Variants in CWC27 observed in about 807,000 individuals in gnomAD.
CWC27 encodes spliceosome-associated protein CWC27 homolog.
In CWC27, 47 loss-of-function variants were observed where a neutral mutation model predicts 63.6. That is an observed-to-expected ratio of 0.74 (90% CI 0.58 to 0.94). CWC27 has a LOEUF of 0.94. Ranked by LOEUF, CWC27 falls within the 40% of genes least tolerant of loss-of-function variation. CWC27 has a pLI of 0.00. For missense variants in CWC27, 495 were observed against 554.3 expected (o/e 0.89, Z 1.07); for synonymous variants, 175 against 179.8 (o/e 0.97, Z 0.22).
intron 12 of CWC27, chr5:64,972,785 A>C (rs1580757545): frequency 2.4e-6 from 1 of 416,718 alleles, no homozygotes. Flanking sequence ...CCTTGTAGCA[A>C]ATAATTATTA....
chr5:64,928,964 CT>C lies in CWC27; in HGVS notation c.1043-42727del, dbSNP rs373815261. ...TTGAACTTTTCTCAGTAGGCTTTGT[CT>C]TTTTTTTTTTTGTAGTACTATAGAC... On this transcript the variant is annotated intron_variant, in intron 11 of 13. Coordinates refer to ENST00000381070, the MANE Select transcript of CWC27 (RefSeq NM_005869.4). Among the ~76,000 whole-genome samples, 326 of 141,368 alleles carry C rather than the reference CT, an allele frequency of 2.3e-3. 2 individuals carry two copies. The highest frequency in any genetic ancestry group is 4.8e-3 in the East Asian group (24 of 4,958). The allele number at this position is 141,368 out of a possible 152,430, so 92.7% of individuals were successfully genotyped here. A position where few individuals can be genotyped will look rare whatever the true frequency, so the allele number is the denominator to read the frequency against.
chr5:64,954,899 G>A (rs1274719550), intron 11 of CWC27, among the ~76,000 whole-genome samples: 1 of 151,880 alleles, frequency 6.6e-6, no homozygotes, highest in Non-Finnish European at 1.5e-5. Context: ...TTATAGGTAA[G>A]CCCCATGATA....
At chr5:64,848,247 A>G (rs917611949) in intron 10 of CWC27, among the ~76,000 whole-genome samples, 1 of 152,208 alleles carries the variant, frequency 6.6e-6, no homozygotes, top group Non-Finnish European at 1.5e-5. Context: ...GCACCAACAT[A>G]TAGGACAACC....
intron 10 of CWC27, among the ~76,000 whole-genome samples, chr5:64,855,741 C>G (rs1291467643): frequency 6.6e-6 from 1 of 152,154 alleles, no homozygotes; most frequent in Non-Finnish European, 1.5e-5. Context: ...CAGAAAAACT[C>G]TTCAGGTTCT....
At chr5:64,953,672 C>T (rs1748751529) in intron 11 of CWC27, among the ~76,000 whole-genome samples, 1 of 152,074 alleles carries the variant, frequency 6.6e-6, no homozygotes, top group South Asian at 2.1e-4. Context: ...CATTTCAAAA[C>T]AAAGGCACTT....
intron 11 of CWC27, among the ~76,000 whole-genome samples, chr5:64,891,755 G>A (rs749776061): frequency 7.3e-5 from 11 of 149,786 alleles, no homozygotes; most frequent in Admixed American, 6.7e-5. Context: ...AGACCTCCTA[G>A]TGTTGCTTGG....
At chr5:64,996,730 G>C (rs1317882873) in intron 13 of CWC27, among the ~76,000 whole-genome samples, 1 of 151,976 alleles carries the variant, frequency 6.6e-6, no homozygotes. Context: ...TCTTGTTTGT[G>C]ATTTTGTATT....
At chr5:64,928,668 A>G (rs983836837) in intron 11 of CWC27, among the ~76,000 whole-genome samples, 1 of 152,212 alleles carries the variant, frequency 6.6e-6, no homozygotes, top group South Asian at 2.1e-4. Context: ...TATAAGGAAT[A>G]GCAGCATAGA....
intron 11 of CWC27, among the ~76,000 whole-genome samples, chr5:64,897,200 A>G (rs1230639167): frequency 6.6e-6 from 1 of 152,214 alleles, no homozygotes; most frequent in Non-Finnish European, 1.5e-5. Flanking sequence ...ATCTAGAAGT[A>G]GAAATACCAT....
intron 1 of CWC27, 113 bp downstream of exon 1, chr5:64,769,301 G>A (rs1743154228): frequency 3.3e-6 from 3 of 896,886 alleles, no homozygotes; most frequent in South Asian, 2.7e-5. Context: ...ACCACGAGAA[G>A]TGTTGTCTTT....
At chr5:65,013,830 G>C (rs1401677919) in intron 13 of CWC27, among the ~76,000 whole-genome samples, 1 of 152,108 alleles carries the variant, frequency 6.6e-6, no homozygotes, top group African/African-American at 2.4e-5. Context: ...CAATGAAAAA[G>C]ATAGCTGTTT....
intron 7 of CWC27, among the ~76,000 whole-genome samples, chr5:64,794,889 T>A (rs961335706): frequency 6.6e-6 from 1 of 152,160 alleles, no homozygotes; most frequent in African/African-American, 2.4e-5. Context: ...CTAGTTTTTA[T>A]GAGGTAAGTT....
chr5:64,972,025 A>T (rs1418886162), intron 12 of CWC27, among the ~76,000 whole-genome samples: 1 of 152,208 alleles, frequency 6.6e-6, no homozygotes, highest in East Asian at 1.9e-4. Flanking sequence ...AAAGCCTGGA[A>T]CTTCCACGTT....
intron 11 of CWC27, among the ~76,000 whole-genome samples, chr5:64,894,118 C>T (rs904858965): frequency 4.0e-4 from 61 of 151,872 alleles, no homozygotes; most frequent in African/African-American, 1.5e-3. Context: ...TTAGTAGAGA[C>T]GGGGTTTCAC....
At chr5:64,843,765 A>G (rs1348328613) in intron 10 of CWC27, among the ~76,000 whole-genome samples, 1 of 152,202 alleles carries the variant, frequency 6.6e-6, no homozygotes, top group Non-Finnish European at 1.5e-5. Flanking sequence ...AGAATTTTTT[A>G]TAGTGCTGGA....
chr5:64,808,159 T>C, intron 10 of CWC27: 1 of 1,022,870 alleles, frequency 9.8e-7, no homozygotes, highest in Non-Finnish European at 1.2e-6. Flanking sequence ...TCTCAGGCCC[T>C]GTCCTACACA....
chr5:64,931,058 T>C (rs1748227762), intron 11 of CWC27, among the ~76,000 whole-genome samples: 1 of 151,826 alleles, frequency 6.6e-6, no homozygotes, highest in Admixed American at 6.6e-5. Flanking sequence ...AAGGAAAAAA[T>C]AATACTAAAA....
chr5:64,804,153 C>A, intron 9 of CWC27, 76 bp from the exon 10 acceptor site: 2 of 1,277,260 alleles, frequency 1.6e-6, no homozygotes, highest in Admixed American at 2.3e-5. Flanking sequence ...TAAGGAGATT[C>A]AGTGGATGCA....
At chr5:65,008,914 T>C (rs935488607) in intron 13 of CWC27, among the ~76,000 whole-genome samples, 3 of 152,144 alleles carry the variant, frequency 2.0e-5, no homozygotes, top group African/African-American at 7.2e-5. Context: ...TGTATGATGA[T>C]GTACACAAAA....
Sources: allele counts gnomAD v4.1 joint callset (sites outside exome capture counted in the v4.1 genomes callset), GRCh38; gene constraint gnomAD v4.1.1; transcripts MANE v1.5; gene names NCBI Gene and HGNC (gene_info 2026-07-23, HGNC 2026-07-21).